The following FGD3 variants were observed in gnomAD, a reference collection of about 807,000 sequenced individuals.
FGD3 encodes the protein FYVE, RhoGEF and PH domain-containing protein 3.
FGD3 carries 45 observed loss-of-function variants against 71.8 expected under a neutral mutation model. The observed-to-expected ratio is 0.63, with a 90% CI of 0.49 to 0.80. The LOEUF is 0.80. Ranked by LOEUF, FGD3 falls within the 30% of genes least tolerant of loss-of-function variation. The pLI, the probability that FGD3 is intolerant of heterozygous loss-of-function variation, is 0.00. For missense variants in FGD3, 844 were observed against 951.5 expected (o/e 0.89, Z 1.49); for synonymous variants, 378 against 392.8 (o/e 0.96, Z 0.44).
At chr9:93,004,536 C>T (rs967290974) in intron 5 of FGD3, among the ~76,000 whole-genome samples, 2 of 152,190 alleles carry the variant, frequency 1.3e-5, no homozygotes, top group Admixed American at 6.5e-5. Flanking sequence ...ACCTCAGATC[C>T]TCCTCCTGCT....
chr9:92,991,197 G>C (rs1860396111), intron 3 of FGD3, among the ~76,000 whole-genome samples: 2 of 152,186 alleles, frequency 1.3e-5, no homozygotes, highest in South Asian at 4.2e-4. Context: ...TCTTGCCTCA[G>C]CCTCCTGAGG....
chr9:92,970,684 C>T (rs893182819), intron 1 of FGD3, among the ~76,000 whole-genome samples: 1 of 152,212 alleles, frequency 6.6e-6, no homozygotes, highest in Non-Finnish European at 1.5e-5. Context: ...TGTTGCATTC[C>T]AGTGCCTCTC....
At chr9:92,966,343 C>T (rs1045808318) in intron 1 of FGD3, among the ~76,000 whole-genome samples, 1 of 152,216 alleles carries the variant, frequency 6.6e-6, no homozygotes, top group Non-Finnish European at 1.5e-5. Context: ...GTGCCTCCGT[C>T]CCCACACGTG....
At chr9:93,023,795 C>CTTTTTTTTTTTTTT (rs569058583) in intron 14 of FGD3, among the ~76,000 whole-genome samples, 2 of 107,672 alleles carry the variant, frequency 1.9e-5, no homozygotes, top group Non-Finnish European at 3.6e-5. Flanking sequence ...CCATCAGCAA[C>CTTTTTTTTTTTTTT]TTTTTTTTTT....
At chr9:93,035,257 CCT>C in intron 17 of FGD3, 79 bp from the exon 18 acceptor site, 1 of 1,532,924 alleles carries the variant, frequency 6.5e-7, no homozygotes, top group South Asian at 1.3e-5. Flanking sequence ...GGAGTGGCCT[CCT>C]GGGAGAGGCC....
chr9:92,980,209 T>C (rs1859936357), intron 3 of FGD3, among the ~76,000 whole-genome samples: 1 of 152,112 alleles, frequency 6.6e-6, no homozygotes, highest in Non-Finnish European at 1.5e-5. Flanking sequence ...CTAGTAGAGA[T>C]GAAGTTTCAC....
chr9:92,988,819 T>C (rs185061945), intron 3 of FGD3, among the ~76,000 whole-genome samples: 365 of 152,300 alleles, frequency 2.4e-3, no homozygotes, highest in Non-Finnish European at 4.2e-3. Context: ...CCCTATGGCA[T>C]GTAAGTCCTG....
intron 3 of FGD3, among the ~76,000 whole-genome samples, chr9:92,979,728 G>T (rs1859911328): frequency 1.3e-5 from 2 of 152,064 alleles, no homozygotes; most frequent in African/African-American, 4.8e-5. Flanking sequence ...GAAGCCATCT[G>T]GTCCTGGACA....
chr9:92,982,392 A>T lies in FGD3; in HGVS notation c.453+5683A>T, dbSNP rs143781171. 5.2e-3 allele frequency among the ~76,000 whole-genome samples: 795 copies of T among 152,252 alleles called. 4 individuals carry two copies. Among genetic ancestry groups the T allele is most frequent in the Non-Finnish European group, 8.7e-3 (595 of 68,022 alleles). On this transcript the variant is annotated intron_variant, in intron 3 of 17. Transcript: ENST00000375482. ...TCCTTATTCACTCATCTGTTGTTGG[A>T]CACCCAGGTTGATTCCATATCTTGG... is the stretch of plus-strand genomic sequence containing the variant.
At chr9:92,999,910 T>G (rs573625008) in intron 3 of FGD3, among the ~76,000 whole-genome samples, 2 of 152,168 alleles carry the variant, frequency 1.3e-5, no homozygotes, top group African/African-American at 4.8e-5. Context: ...GTCTTTTGAT[T>G]GGGAAGTTTA....
intron 1 of FGD3, among the ~76,000 whole-genome samples, chr9:92,974,060 G>A (rs967177911): frequency 1.3e-5 from 2 of 152,170 alleles, no homozygotes; most frequent in Admixed American, 6.5e-5. Context: ...TTACCGCTTG[G>A]TGTAGAGCCT....
intron 1 of FGD3, among the ~76,000 whole-genome samples, chr9:92,970,900 T>C (rs1387128421): frequency 6.6e-6 from 1 of 152,278 alleles, no homozygotes; most frequent in Non-Finnish European, 1.5e-5. Flanking sequence ...AGAGGGGCTC[T>C]GCCCGGCTAC....
chr9:92,951,660 G>A (rs371022507), intron 1 of FGD3, among the ~76,000 whole-genome samples: 16 of 152,214 alleles, frequency 1.1e-4, no homozygotes, highest in African/African-American at 3.6e-4. Flanking sequence ...GGGTGACAGA[G>A]CGAGACCCTG....
intron 1 of FGD3, among the ~76,000 whole-genome samples, chr9:92,956,760 A>G (rs1361496081): frequency 1.3e-5 from 2 of 151,582 alleles, no homozygotes; most frequent in African/African-American, 4.8e-5. Context: ...TTCAGAAACT[A>G]GTTCTGCCTG....
chr9:92,964,994 T>C (rs1390857904), intron 1 of FGD3, among the ~76,000 whole-genome samples: 1 of 151,852 alleles, frequency 6.6e-6, no homozygotes, highest in Non-Finnish European at 1.5e-5. Flanking sequence ...GAGGAAGGAG[T>C]GCTGCGCCCA....
rs1434263541 is a variant in FGD3 at position 93,015,892 on chromosome 9, C to T, written c.1275+63C>T. 4.7e-6 allele frequency: 7 copies of T among 1,484,844 alleles called. No individual in the cohort carries two copies. The East Asian group carries it at 1.4e-4, about 29-fold the overall frequency. 92.0% of individuals were successfully genotyped at this position (1,484,844 alleles called of 1,614,324 possible). A position where few individuals can be genotyped will look rare whatever the true frequency, so the allele number is the denominator to read the frequency against. ...AAGGGGCACTGAGCAGGACTGGGGACACCAGGCTCTGGCCGCTGAGGCACT... is the reference window on the plus strand; with the variant it reads ...AAGGGGCACTGAGCAGGACTGGGGATACCAGGCTCTGGCCGCTGAGGCACT... On this transcript the variant is annotated intron_variant, in intron 10 of 17. Coordinates refer to ENST00000375482, the MANE Select transcript of FGD3 (RefSeq NM_001083536.2).
At chr9:93,023,186 G>GCC (rs1861991159) in intron 14 of FGD3, among the ~76,000 whole-genome samples, 1 of 152,180 alleles carries the variant, frequency 6.6e-6, no homozygotes, top group Admixed American at 6.5e-5. Context: ...TGCTGTGCAG[G>GCC]CCCAGGAATG....
chr9:93,006,453 C>T (rs746874023), intron 6 of FGD3, among the ~76,000 whole-genome samples: 6 of 152,178 alleles, frequency 3.9e-5, no homozygotes, highest in African/African-American at 7.2e-5. Flanking sequence ...TACAGCATCA[C>T]GAGCTATTAT....
rs200272376 is a variant in FGD3, at chr9:93,006,012, T to C, written c.681-12T>C. 1.2e-3 allele frequency: 1,935 copies of C among 1,586,936 alleles called. 4 individuals are homozygous for C. The highest frequency in any genetic ancestry group is 1.3e-3 in the Non-Finnish European group (1,567 of 1,165,290). On this transcript the variant is annotated splice_polypyrimidine_tract_variant and intron_variant, in intron 5 of 17. Coordinates refer to ENST00000375482, the MANE Select transcript of FGD3 (RefSeq NM_001083536.2). The stretch of plus-strand genomic sequence containing the variant: ...CCCAGCTATTTCTCTGATGATTCAT[T>C]TCTCCACGAAGGGACACAAACCCAC...
Sources: gnomAD v4.1 joint callset for allele counts (sites outside exome capture counted in the v4.1 genomes callset) on GRCh38, gnomAD v4.1.1 for gene constraint, MANE v1.5 for transcripts, NCBI Gene and HGNC (gene_info 2026-07-23, HGNC 2026-07-21) for gene names.